The following SDC4 variants were observed in gnomAD, a reference collection of about 807,000 sequenced individuals.
SDC4 encodes syndecan-4.
In SDC4, 17 loss-of-function variants were observed where a neutral mutation model predicts 20.5. That is an observed-to-expected ratio of 0.83 (90% CI 0.57 to 1.25). The LOEUF (loss-of-function observed/expected upper bound fraction) is 1.25. Ranked by LOEUF, SDC4 falls within the 50% of genes most tolerant of loss-of-function variation. The pLI is 0.00. For synonymous variants in SDC4, 107 were observed against 105.3 expected, an observed-to-expected ratio of 1.02 and a Z score of -0.10; for missense variants, 241 against 252.3, an observed-to-expected ratio of 0.96 and a Z score of 0.30.
In SDC4 at chr20:45,339,781, C is replaced by T. The variant is rs540400795; in HGVS notation, c.61-3861G>A. Among the ~76,000 whole-genome samples, 3 of 152,324 alleles carry T rather than the reference C, an allele frequency of 2.0e-5. No homozygotes were observed. The South Asian group carries it at 6.2e-4, about 32-fold the overall frequency. ...GGGCAATGGGCCTAGGTCCCACAGACTCTGCTGGCCCTGTGGCTGGTGGGG... is the reference window on the plus strand; with the variant it reads ...GGGCAATGGGCCTAGGTCCCACAGATTCTGCTGGCCCTGTGGCTGGTGGGG... On this transcript the variant is annotated intron_variant, in intron 1 of 4. Coordinates refer to ENST00000372733, the MANE Select transcript of SDC4 (RefSeq NM_002999.4).
intron 1 of SDC4, among the ~76,000 whole-genome samples, chr20:45,338,316 T>C (rs760599132): frequency 2.6e-5 from 4 of 152,202 alleles, no homozygotes; most frequent in Non-Finnish European, 4.4e-5. Context: ...AACACATATG[T>C]ACACGGGGTC....
chr20:45,343,075 G>C (rs1172069349), intron 1 of SDC4, among the ~76,000 whole-genome samples: 1 of 152,154 alleles, frequency 6.6e-6, no homozygotes, highest in Non-Finnish European at 1.5e-5. Context: ...GGAGTTTTCT[G>C]TACCCTCTTT....
chr20:45,344,853 G>A (rs189216576), intron 1 of SDC4, among the ~76,000 whole-genome samples: 37 of 152,244 alleles, frequency 2.4e-4, no homozygotes, highest in African/African-American at 8.4e-4. Context: ...CAGAGACAGG[G>A]CATGTTTGCT....
At chr20:45,345,651 G>A (rs934411464) in intron 1 of SDC4, 2 of 152,248 alleles carry the variant, frequency 1.3e-5, no homozygotes, top group Non-Finnish European at 1.5e-5. Flanking sequence ...TGATAGGTGG[G>A]GGACACTTCC....
Position 45,336,355 on chromosome 20 carries a change from A to G in SDC4, c.61-435T>C, listed in dbSNP as rs185170926. 1.7e-3 allele frequency among the ~76,000 whole-genome samples: 257 copies of G among 152,290 alleles called. 1 individual carries two copies. Among genetic ancestry groups the G allele is most frequent in the African/African-American group, 5.9e-3 (247 of 41,564 alleles). ...TTGAACCCGGGAGGCGGAGGTTGCA[A>G]TAAGCCAGGATCACGCCGTTGCACT... On this transcript the variant is annotated intron_variant, in intron 1 of 4. Coordinates refer to ENST00000372733, the MANE Select transcript of SDC4 (RefSeq NM_002999.4).
chr20:45,341,625 A>C (rs1987953950), intron 1 of SDC4, among the ~76,000 whole-genome samples: 1 of 152,202 alleles, frequency 6.6e-6, no homozygotes, highest in South Asian at 2.1e-4. Context: ...CTGGTGCCTG[A>C]ATGGTTAAAC....
chr20:45,331,750 G>A (rs1318479416), intron 3 of SDC4, among the ~76,000 whole-genome samples: 1 of 152,208 alleles, frequency 6.6e-6, no homozygotes, highest in African/African-American at 2.4e-5. Flanking sequence ...AAGTCAGGAA[G>A]TTACTCTATA....
At position 45,347,097 on chromosome 20, in the gene SDC4, G is replaced by GA. The variant is rs374080739; in HGVS notation, c.60+1227dup. The stretch of plus-strand genomic sequence containing the variant: ...TTATTAGAGCAATGTCTGGCCCCCC[G>GA]ACAAAGGCGCTCCACGTTTGCAATC... On this transcript the variant is annotated intron_variant, in intron 1 of 4. Transcript: ENST00000372733. Among the ~76,000 whole-genome samples the GA allele has an allele frequency of 2.8e-4, 43 of 152,196 alleles. 1 individual carries two copies. Among genetic ancestry groups the GA allele is most frequent in the African/African-American group, 9.4e-4 (39 of 41,512 alleles).
chr20:45,342,559 T>C (rs1005458560), intron 1 of SDC4, among the ~76,000 whole-genome samples: 5 of 151,642 alleles, frequency 3.3e-5, no homozygotes, highest in African/African-American at 1.2e-4. Context: ...CAGAGAAAAC[T>C]GGAGCAGCCG....
chr20:45,341,258 G>C (rs1987948737), intron 1 of SDC4, among the ~76,000 whole-genome samples: 1 of 152,212 alleles, frequency 6.6e-6, no homozygotes, highest in Admixed American at 6.5e-5. Context: ...GTTGCTGGAA[G>C]GAAGCTAGCC....
chr20:45,348,258 A>G, intron 1 of SDC4, 67 bp downstream of exon 1: 5 of 1,015,150 alleles, frequency 4.9e-6, no homozygotes, highest in Non-Finnish European at 7.2e-6. Context: ...CCACGCTCCG[A>G]CGAACAAAGG....
At chr20:45,347,117 GCAATCAT>G (rs1487992052) in intron 1 of SDC4, among the ~76,000 whole-genome samples, 3 of 152,114 alleles carry the variant, frequency 2.0e-5, no homozygotes, top group Non-Finnish European at 4.4e-5. Context: ...CTCCACGTTT[GCAATCAT>G]CATGGCATGC....
At chr20:45,327,805 G>A (rs934124070) in intron 4 of SDC4, among the ~76,000 whole-genome samples, 6 of 152,262 alleles carry the variant, frequency 3.9e-5, no homozygotes, top group South Asian at 2.1e-4. Context: ...CACCATGCCC[G>A]GCTAATTTTT....
intron 1 of SDC4, among the ~76,000 whole-genome samples, 190 bp downstream of exon 1, chr20:45,348,135 G>A (rs374329540): frequency 1.3e-4 from 10 of 75,878 alleles, no homozygotes; most frequent in African/African-American, 5.7e-4. Flanking sequence ...CGCACGGCGC[G>A]TGAAGCCATC....
intron 1 of SDC4, among the ~76,000 whole-genome samples, chr20:45,342,081 A>T (rs1323379551): frequency 1.3e-5 from 2 of 152,110 alleles, no homozygotes; most frequent in Non-Finnish European, 1.5e-5. Context: ...TTGAAGTTGG[A>T]GCTTGTAATC....
chr20:45,344,439 T>C (rs1361168950), intron 1 of SDC4, among the ~76,000 whole-genome samples: 1 of 152,168 alleles, frequency 6.6e-6, no homozygotes, highest in Non-Finnish European at 1.5e-5. Flanking sequence ...TAGCATGCAG[T>C]GACTCACAGC....
At chr20:45,332,258 C>T (rs1396355507) in intron 3 of SDC4, among the ~76,000 whole-genome samples, 3 of 151,266 alleles carry the variant, frequency 2.0e-5, no homozygotes, top group South Asian at 4.2e-4. Flanking sequence ...CAGGTTCAAG[C>T]GATCCTCCTA....
rs1358842676 is a variant in SDC4, at chr20:45,333,043, G to A, written c.226C>T (p.Pro76Ser). The change falls in exon 3 of 5, where the codon CCT (proline) becomes TCT (serine). Residue 76 changes from proline (P) to serine (S), a missense_variant. By Grantham distance (74) the Pro-to-Ser change is moderately conservative. Coordinates refer to ENST00000372733, the MANE Select transcript of SDC4 (RefSeq NM_002999.4). ...LDDLEDSMIG[P>S]EVVHPLVPLD... ...CTTACCAAGGGATGGACAACTTCAG[G>A]GCCGATCATGGAGTCTTCCAAGTCA... 2.5e-6 allele frequency: 4 copies of A among 1,614,136 alleles called. No homozygotes were observed. The highest frequency in any genetic ancestry group is 3.4e-6 in the Non-Finnish European group (4 of 1,180,010).
At chr20:45,341,789 T>G (rs2145716192) in intron 1 of SDC4, among the ~76,000 whole-genome samples, 1 of 152,194 alleles carries the variant, frequency 6.6e-6, no homozygotes, top group African/African-American at 2.4e-5. Flanking sequence ...CAGCAAGAAC[T>G]CCAGGATCCT....
Sources: gnomAD v4.1 joint callset for allele counts (sites outside exome capture counted in the v4.1 genomes callset) on GRCh38, gnomAD v4.1.1 for gene constraint, MANE v1.5 for transcripts, NCBI Gene and HGNC (gene_info 2026-07-23, HGNC 2026-07-21) for gene names.